Variants in ZNF407 observed in about 807,000 individuals in gnomAD.
The protein encoded by ZNF407 is zinc finger protein 407.
In ZNF407, 17 loss-of-function variants were observed where a neutral mutation model predicts 131.2. The observed-to-expected ratio is 0.13, with a 90% CI of 0.09 to 0.19. The LOEUF (loss-of-function observed/expected upper bound fraction) is 0.19. Ranked by LOEUF, ZNF407 falls within the 10% of genes least tolerant of loss-of-function variation. The pLI, the probability that ZNF407 is intolerant of heterozygous loss-of-function variation, is 1.00. For synonymous variants in ZNF407, 1,156 were observed against 1,062.0 expected, an observed-to-expected ratio of 1.09 and a Z score of -1.72; for missense variants, 2,681 against 2,830.6, an observed-to-expected ratio of 0.95 and a Z score of 1.20.
chr18:75,027,887 G>T (rs1013666045), intron 8 of ZNF407, among the ~76,000 whole-genome samples: 13 of 152,160 alleles, frequency 8.5e-5, no homozygotes, highest in Admixed American at 3.9e-4. Flanking sequence ...ACGAGACATG[G>T]TCAGAATGAG....
Position 74,783,011 on chromosome 18 carries a change from C to T in ZNF407, c.4877+1509C>T, listed in dbSNP as rs528953836. Among the ~76,000 whole-genome samples, 3 of 152,210 alleles carry T rather than the reference C, an allele frequency of 2.0e-5. No homozygotes were observed. In the South Asian group the frequency reaches 6.2e-4, roughly 32 times the overall value. On this transcript the variant is annotated intron_variant, in intron 4 of 8. Coordinates refer to ENST00000299687, the MANE Select transcript of ZNF407 (RefSeq NM_017757.3). ...TCTTGAAATTTAAAAGCATACTATA[C>T]TATATTTTTAAAAGAATAATTTGCG...
At chr18:74,605,627 T>C (rs1300105637) in intron 1 of ZNF407, among the ~76,000 whole-genome samples, 1 of 152,252 alleles carries the variant, frequency 6.6e-6, no homozygotes, top group Non-Finnish European at 1.5e-5. Context: ...AGCACAGCAG[T>C]TGTTACCCTG....
chr18:74,996,495 C>T lies in ZNF407; in HGVS notation c.5429-66655C>T, dbSNP rs375120235. Among the ~76,000 whole-genome samples the T allele has an allele frequency of 7.9e-5, 12 of 152,256 alleles. No individual in the cohort carries two copies. The East Asian group carries it at 1.3e-3, about 17-fold the overall frequency. ...AAAGGAAATGAAGTCAGGAGGTGAA[C>T]GGCAATAAGTGTTTAATAGTCGCAG... On this transcript the variant is annotated intron_variant, in intron 8 of 8. Transcript: ENST00000299687.
At chr18:74,952,360 C>T (rs1972224380) in intron 8 of ZNF407, among the ~76,000 whole-genome samples, 1 of 152,188 alleles carries the variant, frequency 6.6e-6, no homozygotes, top group African/African-American at 2.4e-5. Flanking sequence ...GCTGCGCTGT[C>T]ATGCTCATGG....
intron 6 of ZNF407, 137 bp from the exon 7 acceptor site, chr18:74,889,781 A>T: frequency 1.4e-6 from 1 of 712,794 alleles, no homozygotes; most frequent in Non-Finnish European, 2.2e-6. Context: ...CAAATGTCCT[A>T]AGTGTGTGGA....
chr18:75,005,846 T>C (rs9954829), intron 8 of ZNF407, among the ~76,000 whole-genome samples: 36,036 of 151,756 alleles, frequency 0.24, 4,806 homozygotes, highest in African/African-American at 0.34. Flanking sequence ...GCACGAGAGC[T>C]CTTGCTGGTC....
chr18:74,896,026 A>G (rs1387240021), intron 7 of ZNF407, among the ~76,000 whole-genome samples: 1 of 152,184 alleles, frequency 6.6e-6, no homozygotes, highest in Non-Finnish European at 1.5e-5. Flanking sequence ...AGTATATTGT[A>G]TTTGCTGAGA....
intron 8 of ZNF407, among the ~76,000 whole-genome samples, chr18:75,011,061 G>T (rs1972968758): frequency 1.3e-5 from 2 of 152,120 alleles, no homozygotes; most frequent in Non-Finnish European, 1.5e-5. Flanking sequence ...AACCTGTGTG[G>T]AATTAGTGGG....
intron 8 of ZNF407, among the ~76,000 whole-genome samples, chr18:74,977,778 C>T (rs7241873): frequency 0.025 from 3,846 of 152,292 alleles, 146 homozygotes; most frequent in African/African-American, 0.085. Flanking sequence ...CAGTATGACT[C>T]GGAGTAAGTT....
At chr18:74,884,022 T>C (rs1275179928) in intron 6 of ZNF407, among the ~76,000 whole-genome samples, 5 of 152,198 alleles carry the variant, frequency 3.3e-5, no homozygotes, top group Non-Finnish European at 7.3e-5. Flanking sequence ...TACTTAGATT[T>C]ATGCATCCGT....
At chr18:74,922,233 A>G (rs545324078) in intron 8 of ZNF407, among the ~76,000 whole-genome samples, 1 of 152,340 alleles carries the variant, frequency 6.6e-6, no homozygotes, top group African/African-American at 2.4e-5. Context: ...ATATGGACCC[A>G]TAACCTTACA....
At chr18:74,961,854 C>T (rs1327801293) in intron 8 of ZNF407, among the ~76,000 whole-genome samples, 2 of 141,800 alleles carry the variant, frequency 1.4e-5, no homozygotes, top group Non-Finnish European at 3.1e-5. Flanking sequence ...CCTACATTCT[C>T]TTCCCAAGTC....
chr18:74,773,347 A>G (rs182091002), intron 3 of ZNF407, among the ~76,000 whole-genome samples: 3 of 149,000 alleles, frequency 2.0e-5, no homozygotes, highest in African/African-American at 7.7e-5. Context: ...GTGGTTTGGA[A>G]CTATCAGTAG....
chr18:75,028,649 G>A (rs1973199901), intron 8 of ZNF407, among the ~76,000 whole-genome samples: 1 of 152,186 alleles, frequency 6.6e-6, no homozygotes, highest in South Asian at 2.1e-4. Flanking sequence ...CAATGTGCGG[G>A]AATTCCGCTA....
At chr18:74,606,841 T>C (rs1982829000) in intron 1 of ZNF407, among the ~76,000 whole-genome samples, 1 of 152,250 alleles carries the variant, frequency 6.6e-6, no homozygotes, top group South Asian at 2.1e-4. Flanking sequence ...ATTTTAGATA[T>C]ATCCGGTGTA....
chr18:74,805,878 A>T (rs1470577737), intron 4 of ZNF407, among the ~76,000 whole-genome samples: 1 of 152,220 alleles, frequency 6.6e-6, no homozygotes, highest in African/African-American at 2.4e-5. Context: ...GTGTGAGAAA[A>T]TTGAGATACT....
At chr18:75,051,146 G>A (rs1973496038) in intron 8 of ZNF407, among the ~76,000 whole-genome samples, 1 of 152,140 alleles carries the variant, frequency 6.6e-6, no homozygotes, top group South Asian at 2.1e-4. Context: ...ACGACAGGCT[G>A]TGTGGGTGTC....
intron 8 of ZNF407, among the ~76,000 whole-genome samples, chr18:75,043,120 G>T (rs527987383): frequency 1.3e-5 from 2 of 152,248 alleles, no homozygotes; most frequent in East Asian, 1.9e-4. Flanking sequence ...GTGCCATTTC[G>T]CATCCCCACC....
chr18:74,973,134 A>ATG (rs1384169377), intron 8 of ZNF407, among the ~76,000 whole-genome samples: 26 of 141,386 alleles, frequency 1.8e-4, no homozygotes, highest in African/African-American at 7.3e-4. Flanking sequence ...GGTTTTATAT[A>ATG]TATATGTGTG....
Sources: gnomAD v4.1 joint callset for allele counts (sites outside exome capture counted in the v4.1 genomes callset) on GRCh38, gnomAD v4.1.1 for gene constraint, MANE v1.5 for transcripts, NCBI Gene and HGNC (gene_info 2026-07-23, HGNC 2026-07-21) for gene names.